The following RBM46 variants were observed in gnomAD, a reference collection of about 807,000 sequenced individuals.
RBM46 encodes the protein probable RNA-binding protein 46.
RBM46 carries 12 observed loss-of-function variants against 43.3 expected under a neutral mutation model. The observed-to-expected ratio is 0.28, with a 90% CI of 0.18 to 0.45. RBM46 has a LOEUF of 0.45. Ranked by LOEUF, RBM46 falls within the 20% of genes least tolerant of loss-of-function variation. RBM46 has a pLI of 1.00. For missense variants in RBM46, 412 were observed against 639.1 expected, an observed-to-expected ratio of 0.64 and a Z score of 3.83; for synonymous variants, 205 against 207.6, an observed-to-expected ratio of 0.99 and a Z score of 0.11.
At position 154,786,625 on chromosome 4, in the gene RBM46, C is replaced by T. The variant is rs114418697; in HGVS notation, c.-12+5189C>T. Among the ~76,000 whole-genome samples the T allele has an allele frequency of 8.4e-3, 965 of 114,996 alleles. 7 individuals carry two copies. Among genetic ancestry groups the T allele is most frequent in the Non-Finnish European group, 0.012 (715 of 57,638 alleles). 75.4% of individuals were successfully genotyped at this position (114,996 alleles called of 152,430 possible). A position where few individuals can be genotyped will look rare whatever the true frequency, so the allele number is the denominator to read the frequency against. On this transcript the variant is annotated intron_variant, in intron 1 of 4. Transcript: ENST00000281722. ...TGTGAGGATATTCATCTTAAATCTT[C>T]GGTTAAAAAAAAAAAACAGTAGGCC...
chr4:154,794,177 C>CTTTTTTTT (rs58437982), intron 1 of RBM46, among the ~76,000 whole-genome samples: 2 of 115,736 alleles, frequency 1.7e-5, no homozygotes, highest in African/African-American at 3.8e-5. Flanking sequence ...GTAGTAATCA[C>CTTTTTTTT]TTTTTTTTTT....
chr4:154,807,857 G>A (rs1008127704), intron 4 of RBM46, among the ~76,000 whole-genome samples: 5 of 151,792 alleles, frequency 3.3e-5, no homozygotes, highest in East Asian at 3.9e-4. Context: ...AATGACATGC[G>A]GGTCCTTATT....
At chr4:154,809,528 T>C (rs1287301782) in intron 4 of RBM46, among the ~76,000 whole-genome samples, 2 of 152,132 alleles carry the variant, frequency 1.3e-5, no homozygotes, top group African/African-American at 2.4e-5. Context: ...ATAATCTGAA[T>C]ATAGTTAGCT....
chr4:154,799,571 T>G lies in RBM46; in HGVS notation c.1402+7T>G, dbSNP rs1355427801. The G allele has an allele frequency of 6.7e-7, 1 of 1,496,884 alleles. No homozygotes were observed. The highest frequency in any genetic ancestry group is 1.4e-5 in the African/African-American group (1 of 70,904). The allele number at this position is 1,496,884 out of a possible 1,614,324, so 92.7% of individuals were successfully genotyped here. Reference sequence around the variant, plus strand: ...TTTACATTACTTCATTTGGGTAAGTTTAAAAATACTTTAAATGATGTATAA... The same window carrying G: ...TTTACATTACTTCATTTGGGTAAGTGTAAAAATACTTTAAATGATGTATAA... On this transcript the variant is annotated splice_region_variant and intron_variant, in intron 4 of 4. Coordinates refer to ENST00000281722, the MANE Select transcript of RBM46 (RefSeq NM_144979.5).
chr4:154,816,928 A>G (rs2111196696), intron 4 of RBM46, among the ~76,000 whole-genome samples: 1 of 152,160 alleles, frequency 6.6e-6, no homozygotes, highest in East Asian at 1.9e-4. Context: ...AGTTAATTAC[A>G]TCATTTTTGT....
Position 154,805,732 on chromosome 4 carries a change from A to T in RBM46, c.1402+6168A>T, listed in dbSNP as rs114900563. On this transcript the variant is annotated intron_variant, in intron 4 of 4. Coordinates refer to ENST00000281722, the MANE Select transcript of RBM46 (RefSeq NM_144979.5). ...ATAATTTCAGATAAAAATATTCCAA[A>T]CCATTGCTTTGAAATAAAGAGAAAC... Among the ~76,000 whole-genome samples, 573 of 152,098 alleles carry T rather than the reference A, an allele frequency of 3.8e-3. 3 individuals are homozygous for T. The highest frequency in any genetic ancestry group is 0.013 in the African/African-American group (520 of 41,578).
chr4:154,797,020 T>TG, intron 2 of RBM46, 117 bp downstream of exon 2: 2 of 331,682 alleles, frequency 6.0e-6, no homozygotes, highest in Non-Finnish European at 8.9e-6. Context: ...CTTTAAGACA[T>TG]TTTTTTTTTT....
chr4:154,800,836 A>G (rs887762317), intron 4 of RBM46, among the ~76,000 whole-genome samples: 1 of 152,172 alleles, frequency 6.6e-6, no homozygotes, highest in Admixed American at 6.5e-5. Context: ...ACAGAAGCTT[A>G]TATGTATTTA....
At chr4:154,817,084 A>AT (rs1735480420) in intron 4 of RBM46, among the ~76,000 whole-genome samples, 1 of 151,768 alleles carries the variant, frequency 6.6e-6, no homozygotes, top group Non-Finnish European at 1.5e-5. Flanking sequence ...TTTTTTTAGG[A>AT]TTTTTACATC....
At chr4:154,782,216 T>C (rs1733521658) in intron 1 of RBM46, among the ~76,000 whole-genome samples, 1 of 152,182 alleles carries the variant, frequency 6.6e-6, no homozygotes, top group Admixed American at 6.5e-5. Flanking sequence ...AAACCCCTAA[T>C]TTAAAAATGT....
intron 4 of RBM46, chr4:154,826,796 C>G (rs1345849382): frequency 6.7e-7 from 1 of 1,489,562 alleles, no homozygotes; most frequent in East Asian, 2.5e-5. Flanking sequence ...TGAGCTTACT[C>G]TCCTGCAGTT....
intron 4 of RBM46, among the ~76,000 whole-genome samples, chr4:154,808,843 G>C (rs1026531119): frequency 2.0e-5 from 3 of 151,972 alleles, no homozygotes; most frequent in African/African-American, 7.2e-5. Context: ...GGATTCCTTG[G>C]TGTGAACTTA....
At chr4:154,782,504 G>T (rs1171994900) in intron 1 of RBM46, among the ~76,000 whole-genome samples, 1 of 152,184 alleles carries the variant, frequency 6.6e-6, no homozygotes, top group Non-Finnish European at 1.5e-5. Context: ...TTTGTTTTGA[G>T]ACGGAGTCTC....
chr4:154,826,739 CTTTTT>C (rs34828322), intron 4 of RBM46: 3,808 of 927,678 alleles, frequency 4.1e-3, no homozygotes, highest in South Asian at 6.2e-3. Flanking sequence ...TTCATTTTTC[CTTTTT>C]TTTTTTTTTT....
chr4:154,790,758 A>G (rs1324556499), intron 1 of RBM46, among the ~76,000 whole-genome samples: 2 of 152,234 alleles, frequency 1.3e-5, no homozygotes, highest in African/African-American at 2.4e-5. Context: ...GAAAAGTTTT[A>G]TCTTGGAAAA....
At chr4:154,817,941 A>G (rs1469330359) in intron 4 of RBM46, among the ~76,000 whole-genome samples, 1 of 152,064 alleles carries the variant, frequency 6.6e-6, no homozygotes, top group East Asian at 1.9e-4. Flanking sequence ...TGCATTCCTA[A>G]CTTACTGAAG....
At chr4:154,796,391 A>G (rs1227323816) in intron 1 of RBM46, among the ~76,000 whole-genome samples, 1 of 152,176 alleles carries the variant, frequency 6.6e-6, no homozygotes, top group Non-Finnish European at 1.5e-5. Context: ...ATTGGCAGGT[A>G]TATTCATTGA....
chr4:154,820,790 A>G (rs891091227), intron 4 of RBM46, among the ~76,000 whole-genome samples: 1 of 151,888 alleles, frequency 6.6e-6, no homozygotes, highest in Non-Finnish European at 1.5e-5. Context: ...GTCTTATTGA[A>G]ACAATTTGGG....
chr4:154,784,432 G>C (rs949192068), intron 1 of RBM46, among the ~76,000 whole-genome samples: 2 of 152,168 alleles, frequency 1.3e-5, no homozygotes, highest in Admixed American at 1.3e-4. Context: ...AAAATTAAAG[G>C]AGATATAGTT....
Sources: gnomAD v4.1 joint callset for allele counts (sites outside exome capture counted in the v4.1 genomes callset) on GRCh38, gnomAD v4.1.1 for gene constraint, MANE v1.5 for transcripts, NCBI Gene and HGNC (gene_info 2026-07-23, HGNC 2026-07-21) for gene names.